SCMH1: variants seen among roughly 807,000 people sequenced by gnomAD.
The protein encoded by SCMH1 is Scm polycomb group protein homolog 1.
A neutral mutation model predicts 70.8 loss-of-function variants in SCMH1; 37 were observed. The ratio of observed to expected loss-of-function variants is 0.52; its 90% confidence interval spans 0.40 to 0.69. SCMH1 has a LOEUF of 0.69. Ranked by LOEUF, SCMH1 falls within the 30% of genes least tolerant of loss-of-function variation. SCMH1 has a pLI of 0.00. For synonymous variants in SCMH1, 292 were observed against 307.4 expected (o/e 0.95, Z 0.52); for missense variants, 607 against 827.3 (o/e 0.73, Z 3.27).
chr1:41,028,826 A>C, intron 13 of SCMH1, 100 bp from the exon 15 acceptor site: 1 of 1,318,562 alleles, frequency 7.6e-7, no homozygotes, highest in Non-Finnish European at 1.1e-6. Flanking sequence ...GGTGATGCTC[A>C]CAGTAGTGCC....
At chr1:41,202,638 C>G (rs919088478) in intron 1 of SCMH1, among the ~76,000 whole-genome samples, 7 of 152,048 alleles carry the variant, frequency 4.6e-5, no homozygotes, top group Non-Finnish European at 1.0e-4. Flanking sequence ...CCCAGACACT[C>G]CTGAAGAATA....
chr1:41,082,305 C>T (rs1322939868), intron 8 of SCMH1, among the ~76,000 whole-genome samples: 1 of 152,052 alleles, frequency 6.6e-6, no homozygotes, highest in Non-Finnish European at 1.5e-5. Flanking sequence ...ATGTTAAGGG[C>T]AGCTAGAGAG....
At chr1:41,138,828 T>A (rs1643761879) in intron 6 of SCMH1, among the ~76,000 whole-genome samples, 1 of 152,212 alleles carries the variant, frequency 6.6e-6, no homozygotes, top group Admixed American at 6.5e-5. Flanking sequence ...AATGGTTTTA[T>A]CCTCATCTTA....
chr1:41,052,297 G>A lies in SCMH1; in HGVS notation c.1106-3407C>T, dbSNP rs544912725. Among the ~76,000 whole-genome samples the A allele has an allele frequency of 8.5e-4, 130 of 152,296 alleles. 1 individual carries two copies. Among genetic ancestry groups the A allele is most frequent in the African/African-American group, 2.7e-3 (113 of 41,572 alleles). ...GAGTGAGCATTACTACTTGAGCTCC[G>A]CCTCCTGTCAGATCAACAGTGGCAT... On this transcript the variant is annotated intron_variant, in intron 10 of 14. Transcript: ENST00000337495.
At chr1:41,128,508 C>T (rs896666258) in intron 6 of SCMH1, among the ~76,000 whole-genome samples, 3 of 152,102 alleles carry the variant, frequency 2.0e-5, no homozygotes, top group Admixed American at 2.0e-4. Flanking sequence ...TGCACTGTTT[C>T]TGACGAGAAG....
At chr1:41,151,588 T>G in intron 5 of SCMH1, 26 bp downstream of exon 5, 1 of 1,574,612 alleles carries the variant, frequency 6.4e-7, no homozygotes, top group Non-Finnish European at 8.7e-7. Context: ...ATCTTCCACC[T>G]ACTAAAGATG....
At chr1:41,206,303 G>A (rs1573053416) in intron 1 of SCMH1, among the ~76,000 whole-genome samples, 1 of 151,952 alleles carries the variant, frequency 6.6e-6, no homozygotes, top group East Asian at 2.0e-4. Context: ...CTTGAAAAAA[G>A]ATTAGATGAA....
intron 6 of SCMH1, among the ~76,000 whole-genome samples, chr1:41,127,457 AT>A (rs1008249586): frequency 1.3e-5 from 2 of 152,090 alleles, no homozygotes; most frequent in African/African-American, 2.4e-5. Context: ...TTATATAGTC[AT>A]TTTTTTACAT....
chr1:41,183,757 C>G (rs368453591), intron 2 of SCMH1, among the ~76,000 whole-genome samples: 4 of 152,142 alleles, frequency 2.6e-5, no homozygotes, highest in East Asian at 3.8e-4. Context: ...ATCAAAACAA[C>G]TGTGACATAG....
chr1:41,084,124 G>A (rs1244765058), intron 8 of SCMH1, among the ~76,000 whole-genome samples: 3 of 152,128 alleles, frequency 2.0e-5, no homozygotes, highest in South Asian at 4.1e-4. Flanking sequence ...AAATTGACAA[G>A]TGGGATCAAA....
intron 1 of SCMH1, among the ~76,000 whole-genome samples, chr1:41,228,056 T>C (rs1021946500): frequency 1.3e-5 from 2 of 152,022 alleles, no homozygotes; most frequent in Admixed American, 1.3e-4. Context: ...GTTGCAAAGG[T>C]GCAATAGGCA....
At chr1:41,046,166 A>C (rs2148678519) in intron 12 of SCMH1, among the ~76,000 whole-genome samples, 1 of 152,306 alleles carries the variant, frequency 6.6e-6, no homozygotes, top group African/African-American at 2.4e-5. Flanking sequence ...CCTTTTATCT[A>C]GGGATAAGGA....
intron 2 of SCMH1, among the ~76,000 whole-genome samples, chr1:41,181,088 G>A (rs923227054): frequency 1.3e-5 from 2 of 152,166 alleles, no homozygotes; most frequent in Non-Finnish European, 2.9e-5. Context: ...ACAAAAATAA[G>A]AAATGGGGAA....
chr1:41,097,470 A>G (rs553776906), intron 8 of SCMH1, among the ~76,000 whole-genome samples: 2 of 152,210 alleles, frequency 1.3e-5, no homozygotes, highest in African/African-American at 4.8e-5. Context: ...TCTCAAATTC[A>G]TTTCTTTTCT....
intron 8 of SCMH1, among the ~76,000 whole-genome samples, chr1:41,085,739 A>C (rs1203685915): frequency 2.0e-5 from 3 of 152,176 alleles, no homozygotes; most frequent in African/African-American, 4.8e-5. Context: ...AAAAGAATGT[A>C]AACTATTTCA....
chr1:41,154,252 A>G (rs1310163181), intron 4 of SCMH1, among the ~76,000 whole-genome samples: 2 of 152,210 alleles, frequency 1.3e-5, no homozygotes, highest in Non-Finnish European at 2.9e-5. Context: ...TGGCCTGAGA[A>G]TATGTATTTT....
chr1:41,231,608 G>A (rs942425226), intron 1 of SCMH1, among the ~76,000 whole-genome samples: 1 of 152,096 alleles, frequency 6.6e-6, no homozygotes, highest in African/African-American at 2.4e-5. Context: ...TTCTATGACA[G>A]GACCCCATCC....
chr1:41,153,422 G>A (rs145715066), intron 4 of SCMH1, among the ~76,000 whole-genome samples: 2,475 of 152,290 alleles, frequency 0.016, 27 homozygotes, highest in South Asian at 0.029. Context: ...TCAGTCCTGG[G>A]TAACTGCTTA....
At position 41,047,040 on chromosome 1, in the gene SCMH1, A is replaced by G. The variant is rs545803609; in HGVS notation, c.1307-442T>C. 1.9e-3 allele frequency among the ~76,000 whole-genome samples: 289 copies of G among 152,348 alleles called. 2 individuals carry two copies. The highest frequency in any genetic ancestry group is 6.7e-3 in the African/African-American group (277 of 41,578). ...TATGGGTACACAATTTCTGATCTAC[A>G]TAAGGGCACTAGAATTTTGGCAACA... is the stretch of plus-strand genomic sequence containing the variant. On this transcript the variant is annotated intron_variant, in intron 11 of 14. Coordinates refer to ENST00000337495, the Ensembl canonical transcript of SCMH1.
Sources: allele counts gnomAD v4.1 joint callset (sites outside exome capture counted in the v4.1 genomes callset), GRCh38; gene constraint gnomAD v4.1.1; transcripts MANE v1.5; gene names NCBI Gene and HGNC (gene_info 2026-07-23, HGNC 2026-07-21).